The following FOXN3 variants were observed in gnomAD, a reference collection of about 807,000 sequenced individuals.
FOXN3 encodes the protein forkhead box protein N3.
FOXN3 carries 7 observed loss-of-function variants against 38.4 expected under a neutral mutation model. That is an observed-to-expected ratio of 0.18 (90% CI 0.10 to 0.34). The LOEUF (loss-of-function observed/expected upper bound fraction) is 0.34. Among genes scored for constraint, FOXN3 ranks in the 10% least tolerant of loss-of-function variants. FOXN3 has a pLI of 1.00. For synonymous variants in FOXN3, 230 were observed against 242.2 expected, an observed-to-expected ratio of 0.95 and a Z score of 0.47; for missense variants, 456 against 613.4, an observed-to-expected ratio of 0.74 and a Z score of 2.71.
intron 4 of FOXN3, among the ~76,000 whole-genome samples, chr14:89,222,478 A>G (rs113604171): frequency 0.03 from 4,642 of 152,350 alleles, 107 homozygotes; most frequent in Middle Eastern, 0.071. Flanking sequence ...ATACAAGTGG[A>G]CAGAGAAATC....
chr14:89,531,099 TATATA>T (rs1395317584), intron 1 of FOXN3, among the ~76,000 whole-genome samples: 1 of 131,952 alleles, frequency 7.6e-6, no homozygotes, highest in Non-Finnish European at 1.6e-5. Flanking sequence ...TACACACACA[TATATA>T]ATATACACAC....
intron 1 of FOXN3, among the ~76,000 whole-genome samples, chr14:89,594,570 T>C (rs563075814): frequency 1.3e-5 from 2 of 152,390 alleles, no homozygotes; most frequent in South Asian, 4.1e-4. Context: ...ATTTTGTTTT[T>C]CTTGAATTGA....
chr14:89,378,765 G>A (rs1171158661), intron 2 of FOXN3, among the ~76,000 whole-genome samples: 2 of 150,720 alleles, frequency 1.3e-5, no homozygotes, highest in Non-Finnish European at 2.9e-5. Context: ...TGGAGTGAGT[G>A]GTGCAACCTC....
chr14:89,324,981 T>C (rs1200715379), intron 3 of FOXN3, among the ~76,000 whole-genome samples: 2 of 152,182 alleles, frequency 1.3e-5, no homozygotes, highest in African/African-American at 4.8e-5. Context: ...AGGGTGGCGC[T>C]GTCCAACATG....
Position 89,158,960 on chromosome 14 carries a change from C to T in FOXN3, c.*3454G>A, listed in dbSNP as rs571915568. 8 of 152,398 alleles carry T rather than the reference C, an allele frequency of 5.2e-5. No individual in the cohort carries two copies. In the East Asian group the frequency reaches 1.6e-3, roughly 30 times the overall value. The allele number at this position is 152,398 out of a possible 1,614,324, so 9.4% of individuals were successfully genotyped here. On this transcript the variant is annotated 3_prime_UTR_variant, in exon 6 of 6. Transcript: ENST00000557258. ...GAGAAATGAAAGCAAAAACGCCACA[C>T]CTCTTAATGGTGTTCAGGCGATCTG...
chr14:89,304,469 T>C (rs1887316079), intron 3 of FOXN3, among the ~76,000 whole-genome samples: 1 of 152,092 alleles, frequency 6.6e-6, no homozygotes, highest in African/African-American at 2.4e-5. Flanking sequence ...GCGGCAAAGA[T>C]CATATAGAAA....
intron 2 of FOXN3, among the ~76,000 whole-genome samples, chr14:89,360,601 G>A (rs969247566): frequency 8.4e-5 from 12 of 142,750 alleles, no homozygotes; most frequent in Admixed American, 2.0e-4. Context: ...AGAGAGGGAG[G>A]GAAGGAGGGA....
chr14:89,569,163 C>T (rs1895436972), intron 1 of FOXN3, among the ~76,000 whole-genome samples: 1 of 152,202 alleles, frequency 6.6e-6, no homozygotes, highest in Middle Eastern at 3.4e-3. Flanking sequence ...CAAGATCGCA[C>T]CACTGCACTC....
At chr14:89,539,867 G>A (rs1251631376) in intron 1 of FOXN3, among the ~76,000 whole-genome samples, 1 of 152,082 alleles carries the variant, frequency 6.6e-6, no homozygotes, top group African/African-American at 2.4e-5. Flanking sequence ...CAATGTGCTT[G>A]AAAAACTAGA....
intron 4 of FOXN3, among the ~76,000 whole-genome samples, chr14:89,192,755 AAT>A (rs1887992509): frequency 6.8e-6 from 1 of 146,612 alleles, no homozygotes; most frequent in South Asian, 2.1e-4. Flanking sequence ...TATCATATAT[AAT>A]AGTTTATATA....
At chr14:89,509,461 A>C (rs1894013794) in intron 1 of FOXN3, among the ~76,000 whole-genome samples, 1 of 152,182 alleles carries the variant, frequency 6.6e-6, no homozygotes, top group Non-Finnish European at 1.5e-5. Flanking sequence ...CAGCCTCCCA[A>C]GTAGGTGGGA....
chr14:89,468,698 C>T (rs1405389129), intron 1 of FOXN3, among the ~76,000 whole-genome samples: 1 of 152,194 alleles, frequency 6.6e-6, no homozygotes, highest in African/African-American at 2.4e-5. Context: ...TCCCTATCCT[C>T]CTATTTAAAT....
At chr14:89,190,516 C>A in intron 4 of FOXN3, 1 of 1,342,624 alleles carries the variant, frequency 7.4e-7, no homozygotes, top group Non-Finnish European at 1.1e-6. Flanking sequence ...GTTTTTCCCC[C>A]TGCAAGTTAC....
intron 4 of FOXN3, among the ~76,000 whole-genome samples, chr14:89,263,196 C>T (rs1885863865): frequency 1.3e-5 from 2 of 152,324 alleles, no homozygotes; most frequent in South Asian, 2.1e-4. Context: ...CTTTTGTCTA[C>T]ATAAAATTTT....
chr14:89,492,221 G>C (rs1483173516), intron 1 of FOXN3, among the ~76,000 whole-genome samples: 1 of 152,134 alleles, frequency 6.6e-6, no homozygotes, highest in African/African-American at 2.4e-5. Context: ...AATGCTATTT[G>C]GTCCCCTCAG....
At chr14:89,330,433 C>T (rs1378184604) in intron 3 of FOXN3, among the ~76,000 whole-genome samples, 4 of 152,224 alleles carry the variant, frequency 2.6e-5, no homozygotes, top group Non-Finnish European at 4.4e-5. Context: ...AGTCTTCTGA[C>T]TCTCATATCC....
intron 4 of FOXN3, among the ~76,000 whole-genome samples, chr14:89,246,244 C>T (rs1046287075): frequency 2.7e-4 from 41 of 152,182 alleles, no homozygotes; most frequent in African/African-American, 9.2e-4. Flanking sequence ...TTACATCACC[C>T]TCACAGTAAA....
intron 3 of FOXN3, among the ~76,000 whole-genome samples, chr14:89,298,753 T>A (rs942134301): frequency 6.6e-6 from 1 of 152,176 alleles, no homozygotes; most frequent in African/African-American, 2.4e-5. Flanking sequence ...AACCATCCTG[T>A]CCTCCAAGAG....
At chr14:89,339,219 C>T (rs916711324) in intron 3 of FOXN3, among the ~76,000 whole-genome samples, 4 of 152,290 alleles carry the variant, frequency 2.6e-5, no homozygotes, top group Admixed American at 6.5e-5. Flanking sequence ...GGTGATCTGC[C>T]CGCCTCGGCC....
Sources: gnomAD v4.1 joint callset for allele counts (sites outside exome capture counted in the v4.1 genomes callset) on GRCh38, gnomAD v4.1.1 for gene constraint, MANE v1.5 for transcripts, NCBI Gene and HGNC (gene_info 2026-07-23, HGNC 2026-07-21) for gene names.